The following ERAP1 variants were observed in gnomAD, a reference collection of about 807,000 sequenced individuals.
ERAP1 encodes the protein endoplasmic reticulum aminopeptidase 1, also known as adipocyte-derived leucine aminopeptidase.
A neutral mutation model predicts 103.7 loss-of-function variants in ERAP1; 86 were observed. The observed-to-expected ratio is 0.83, with a 90% confidence interval of 0.70 to 0.99. The LOEUF (loss-of-function observed/expected upper bound fraction) is 0.99. ERAP1 is among the 50% of genes least tolerant of loss of function. ERAP1 has a pLI of 0.00. For missense variants in ERAP1, 1,009 were observed against 1,128.4 expected (o/e 0.89, Z 1.52); for synonymous variants, 398 against 402.4 (o/e 0.99, Z 0.13).
At chr5:96,781,567 T>C (rs1186024488) in intron 16 of ERAP1, 126 bp downstream of exon 16, 3 of 1,232,850 alleles carry the variant, frequency 2.4e-6, no homozygotes, top group Admixed American at 3.4e-5. Flanking sequence ...AGATGTGTGC[T>C]GACTTGCAGT....
intron 3 of ERAP1, among the ~76,000 whole-genome samples, chr5:96,799,540 T>A (rs1322789532): frequency 6.6e-6 from 1 of 152,154 alleles, no homozygotes; most frequent in Non-Finnish European, 1.5e-5. Flanking sequence ...CTTCCAAAGC[T>A]CCAGGCCTCC....
At chr5:96,798,161 T>C (rs1777555353) in intron 3 of ERAP1, among the ~76,000 whole-genome samples, 1 of 151,614 alleles carries the variant, frequency 6.6e-6, no homozygotes, top group Non-Finnish European at 1.5e-5. Flanking sequence ...CCATCTCTAC[T>C]AAAAATATGA....
At chr5:96,900,407 C>T in the ERAP1 span, among the ~76,000 whole-genome samples, 1 of 152,158 alleles carries the variant, frequency 6.6e-6, no homozygotes, top group Non-Finnish European at 1.5e-5. Flanking sequence ...GTTCGGCTTT[C>T]CCACAACCCC....
the ERAP1 span, among the ~76,000 whole-genome samples, chr5:96,926,651 T>C: frequency 6.6e-6 from 1 of 152,252 alleles, no homozygotes; most frequent in African/African-American, 2.4e-5. Context: ...TCATCTATGT[T>C]TTAACATGTC....
chr5:96,867,462 T>C, the ERAP1 span, among the ~76,000 whole-genome samples: 19 of 152,204 alleles, frequency 1.2e-4, no homozygotes, highest in Non-Finnish European at 5.9e-5. Flanking sequence ...TCTTCTCTGC[T>C]TCAAAATGTT....
At position 96,788,617 on chromosome 5, in the gene ERAP1, G is replaced by A. The variant is rs766128579; in HGVS notation, c.1593C>T (p.Pro531=). The A allele has an allele frequency of 3.7e-6, 6 of 1,614,110 alleles. No individual in the cohort carries two copies. Among genetic ancestry groups the A allele is most frequent in the South Asian group, 1.1e-5 (1 of 91,078 alleles). Residue 531 remains proline, a synonymous_variant, in exon 11 of 19, where the codon CCC becomes CCT. Transcript: ENST00000443439. ...TCCCCCTCACTGTGATGGTTATTAG[G>A]GGAAAACCCTTCTGCAGTGTCCAAG... ...MNTWTLQKGF[P]LITITVRGRN...
the ERAP1 span, among the ~76,000 whole-genome samples, chr5:96,814,583 A>C: frequency 6.6e-6 from 1 of 152,206 alleles, no homozygotes; most frequent in African/African-American, 2.4e-5. Flanking sequence ...GAAAATAGGA[A>C]TATCTCCCAA....
the ERAP1 span, among the ~76,000 whole-genome samples, chr5:96,899,877 C>A: frequency 6.6e-6 from 1 of 152,158 alleles, no homozygotes; most frequent in Non-Finnish European, 1.5e-5. Flanking sequence ...CGGTTAATGA[C>A]TTTATTGAAC....
At chr5:96,893,286 G>A in the ERAP1 span, among the ~76,000 whole-genome samples, 4 of 152,078 alleles carry the variant, frequency 2.6e-5, no homozygotes, top group African/African-American at 7.2e-5. Flanking sequence ...TCACCAAGTG[G>A]GCAAATATCA....
the ERAP1 span, among the ~76,000 whole-genome samples, chr5:96,821,377 A>G: frequency 6.6e-6 from 1 of 152,248 alleles, no homozygotes. Context: ...TTTAAATTCA[A>G]CAGACTCCAA....
At chr5:96,923,138 T>A in the ERAP1 span, among the ~76,000 whole-genome samples, 1 of 152,170 alleles carries the variant, frequency 6.6e-6, no homozygotes, top group African/African-American at 2.4e-5. Context: ...AATGGCTGTC[T>A]AATTTTTATT....
chr5:96,863,680 A>T, the ERAP1 span, among the ~76,000 whole-genome samples: 1 of 152,126 alleles, frequency 6.6e-6, no homozygotes, highest in East Asian at 1.9e-4. Context: ...GTGAATTCCT[A>T]CCTGATTTTT....
the ERAP1 span, chr5:96,889,531 G>C: frequency 1.4e-6 from 1 of 696,658 alleles, no homozygotes; most frequent in Non-Finnish European, 2.6e-6. Context: ...CAGGTTTAAC[G>C]TTAACATATC....
At chr5:96,831,680 C>G in the ERAP1 span, among the ~76,000 whole-genome samples, 1 of 152,224 alleles carries the variant, frequency 6.6e-6, no homozygotes, top group Non-Finnish European at 1.5e-5. Flanking sequence ...GCCCTTTTCT[C>G]TGCCATCAGT....
At chr5:96,879,002 G>T in the ERAP1 span, among the ~76,000 whole-genome samples, 2 of 152,268 alleles carry the variant, frequency 1.3e-5, no homozygotes, top group African/African-American at 4.8e-5. Flanking sequence ...CAGTTTGGGA[G>T]GATTGCTTGA....
At chr5:96,884,034 TTATC>T in the ERAP1 span, 105,108 of 602,174 alleles carry the variant, frequency 0.17, 12,028 homozygotes, top group African/African-American at 0.33. Context: ...TAATTTGTTT[TTATC>T]TATCTATCTA....
chr5:96,786,669 C>T (rs1003437289), intron 11 of ERAP1, 120 bp from the exon 12 acceptor site: 15 of 681,792 alleles, frequency 2.2e-5, no homozygotes, highest in Non-Finnish European at 1.8e-5. Context: ...AAAACTGCTA[C>T]AGCCAAGCTC....
In ERAP1 at chr5:96,776,420, T is replaced by C; in HGVS notation, c.2802A>G (p.Gln934=). 2 of 1,612,814 alleles carry C rather than the reference T, an allele frequency of 1.2e-6. No homozygotes were observed. Among genetic ancestry groups the C allele is most frequent in the South Asian group, 2.2e-5 (2 of 90,616 alleles). ...KNFDKIRVWL[Q]SEKLERM ...TTTACATACGTTCAAGCTTTTCACT[T>C]TGCAGCCACACTCTGATTTTATCAA... The change falls in exon 19 of 19, where the codon CAA becomes CAG. Residue 934 remains glutamine, a synonymous_variant. Transcript: ENST00000443439.
At chr5:96,846,560 C>T in the ERAP1 span, among the ~76,000 whole-genome samples, 4 of 152,170 alleles carry the variant, frequency 2.6e-5, no homozygotes, top group Admixed American at 2.0e-4. Flanking sequence ...AATTTCCTGG[C>T]AATCTTGTTA....
Sources: gnomAD v4.1 joint callset for allele counts (sites outside exome capture counted in the v4.1 genomes callset) on GRCh38, gnomAD v4.1.1 for gene constraint, MANE v1.5 for transcripts, NCBI Gene and HGNC (gene_info 2026-07-23, HGNC 2026-07-21) for gene names.